The following SYNDIG1 variants were observed in gnomAD, a reference collection of about 807,000 sequenced individuals.
SYNDIG1 encodes synapse differentiation-inducing gene protein 1.
SYNDIG1 carries 9 observed loss-of-function variants against 19.4 expected under a neutral mutation model. The ratio of observed to expected loss-of-function variants is 0.46; its 90% CI spans 0.28 to 0.81. SYNDIG1 has a LOEUF of 0.81. Among genes scored for constraint, SYNDIG1 ranks in the 30% least tolerant of loss-of-function variants. SYNDIG1 has a pLI of 0.12. For missense variants in SYNDIG1, 311 were observed against 343.3 expected (o/e 0.91, Z 0.74); for synonymous variants, 141 against 145.9 (o/e 0.97, Z 0.24).
At chr20:24,582,466 G>A (rs1341246372) in intron 2 of SYNDIG1, among the ~76,000 whole-genome samples, 3 of 72,762 alleles carry the variant, frequency 4.1e-5, no homozygotes, top group East Asian at 3.5e-4. Context: ...CCCCCTGCAC[G>A]TGCTTCCCCC....
intron 3 of SYNDIG1, among the ~76,000 whole-genome samples, chr20:24,639,012 T>G (rs1045632635): frequency 3.4e-4 from 52 of 151,990 alleles, no homozygotes; most frequent in African/African-American, 1.2e-3. Flanking sequence ...GCAGCTGACA[T>G]CAGCAGCAGG....
At chr20:24,538,124 A>C (rs1600558266) in intron 1 of SYNDIG1, among the ~76,000 whole-genome samples, 1 of 152,296 alleles carries the variant, frequency 6.6e-6, no homozygotes, top group South Asian at 2.1e-4. Context: ...GTTAGCATAA[A>C]ATCTACAATC....
chr20:24,572,659 C>A (rs1421967518), intron 2 of SYNDIG1, among the ~76,000 whole-genome samples: 1 of 152,164 alleles, frequency 6.6e-6, no homozygotes, highest in Non-Finnish European at 1.5e-5. Context: ...GGCCACTGGC[C>A]TCTTAAAGGA....
chr20:24,594,341 A>C (rs1440349932), intron 3 of SYNDIG1, among the ~76,000 whole-genome samples: 1 of 151,440 alleles, frequency 6.6e-6, no homozygotes, highest in Admixed American at 6.6e-5. Context: ...GATCAGGTGT[A>C]TGGTTTTATT....
At chr20:24,522,179 A>T (rs2057019902) in intron 1 of SYNDIG1, among the ~76,000 whole-genome samples, 1 of 151,896 alleles carries the variant, frequency 6.6e-6, no homozygotes, top group Admixed American at 6.6e-5. Context: ...GGCTCAAGTG[A>T]TCCTCCAGCA....
At chr20:24,478,524 G>A (rs755511239) in intron 1 of SYNDIG1, among the ~76,000 whole-genome samples, 1 of 152,226 alleles carries the variant, frequency 6.6e-6, no homozygotes, top group Admixed American at 6.5e-5. Flanking sequence ...TCTCTAAAGT[G>A]CATTTTTTCT....
chr20:24,635,849 CA>C (rs2059309411), intron 3 of SYNDIG1, among the ~76,000 whole-genome samples: 2 of 152,214 alleles, frequency 1.3e-5, no homozygotes, highest in Admixed American at 1.3e-4. Flanking sequence ...ACACATCTAG[CA>C]CCCGGTCACC....
intron 1 of SYNDIG1, among the ~76,000 whole-genome samples, chr20:24,496,535 C>A (rs765356202): frequency 1.3e-5 from 2 of 152,192 alleles, no homozygotes; most frequent in African/African-American, 4.8e-5. Flanking sequence ...ATTGGGCACA[C>A]CTGGGTGTAA....
intron 3 of SYNDIG1, among the ~76,000 whole-genome samples, chr20:24,641,122 G>A (rs2059372225): frequency 6.6e-6 from 1 of 152,200 alleles, no homozygotes; most frequent in African/African-American, 2.4e-5. Context: ...CAATCCAAGA[G>A]TTAGAAGCTG....
chr20:24,556,789 G>T (rs1686539761), intron 2 of SYNDIG1, among the ~76,000 whole-genome samples: 1 of 152,138 alleles, frequency 6.6e-6, no homozygotes, highest in Admixed American at 6.5e-5. Context: ...GTGTCTTGGA[G>T]TTGCTCTTCT....
At chr20:24,594,817 G>C (rs757396736) in intron 3 of SYNDIG1, among the ~76,000 whole-genome samples, 9 of 151,944 alleles carry the variant, frequency 5.9e-5, no homozygotes. Flanking sequence ...CTTGAATCTT[G>C]GGTGTTGTTG....
chr20:24,585,122 T>G, intron 3 of SYNDIG1, 129 bp downstream of exon 3: 8 of 1,207,932 alleles, frequency 6.6e-6, no homozygotes, highest in Non-Finnish European at 2.3e-6. Context: ...GGTCGGCACT[T>G]GCCCAGTTGG....
At chr20:24,559,749 G>T (rs570246642) in intron 2 of SYNDIG1, among the ~76,000 whole-genome samples, 2 of 152,098 alleles carry the variant, frequency 1.3e-5, no homozygotes, top group Non-Finnish European at 2.9e-5. Context: ...GTTGGATATC[G>T]AATTCTCGTT....
intron 1 of SYNDIG1, among the ~76,000 whole-genome samples, chr20:24,519,874 A>G (rs1178679335): frequency 1.3e-5 from 2 of 151,814 alleles, no homozygotes; most frequent in Non-Finnish European, 2.9e-5. Flanking sequence ...CACCACCGCC[A>G]TCACGAAAAA....
At chr20:24,553,069 A>G (rs1291626940) in intron 2 of SYNDIG1, among the ~76,000 whole-genome samples, 1 of 151,600 alleles carries the variant, frequency 6.6e-6, no homozygotes, top group Non-Finnish European at 1.5e-5. Context: ...AGTGATGGTG[A>G]GCATTTTTTC....
At chr20:24,634,444 A>G (rs1267520365) in intron 3 of SYNDIG1, among the ~76,000 whole-genome samples, 1 of 152,232 alleles carries the variant, frequency 6.6e-6, no homozygotes, top group African/African-American at 2.4e-5. Flanking sequence ...ATGTAAATTT[A>G]GCTACATACT....
At chr20:24,631,616 A>G (rs956156084) in intron 3 of SYNDIG1, among the ~76,000 whole-genome samples, 2 of 152,234 alleles carry the variant, frequency 1.3e-5, no homozygotes, top group Non-Finnish European at 2.9e-5. Flanking sequence ...GGACTTCCAG[A>G]GCAGAGCTTT....
At chr20:24,500,514 CTT>C (rs146656566) in intron 1 of SYNDIG1, among the ~76,000 whole-genome samples, 6 of 113,062 alleles carry the variant, frequency 5.3e-5, no homozygotes, top group African/African-American at 2.1e-4. Flanking sequence ...TTCTTTCTTT[CTT>C]TCTTTCTTTC....
intron 3 of SYNDIG1, among the ~76,000 whole-genome samples, chr20:24,641,370 T>C (rs1264589610): frequency 2.0e-5 from 3 of 152,112 alleles, no homozygotes; most frequent in Non-Finnish European, 2.9e-5. Flanking sequence ...AAGTGGTGAG[T>C]ATATGAGTGT....
Sources: allele counts gnomAD v4.1 joint callset (sites outside exome capture counted in the v4.1 genomes callset), GRCh38; gene constraint gnomAD v4.1.1; transcripts MANE v1.5; gene names NCBI Gene and HGNC (gene_info 2026-07-23, HGNC 2026-07-21).